The following KIAA1217 variants were observed in gnomAD, a reference collection of about 807,000 sequenced individuals.
KIAA1217 encodes sickle tail protein homolog.
Under a neutral mutation model 163.9 loss-of-function variants are expected in KIAA1217, and 88 were observed. The ratio of observed to expected loss-of-function variants is 0.54; its 90% confidence interval spans 0.45 to 0.64. The LOEUF is 0.64. Among genes scored for constraint, KIAA1217 ranks in the 30% least tolerant of loss-of-function variants. KIAA1217 has a pLI of 0.00. For missense variants in KIAA1217, 2,372 were observed against 2,475.0 expected, an observed-to-expected ratio of 0.96 and a Z score of 0.88; for synonymous variants, 903 against 923.1, an observed-to-expected ratio of 0.98 and a Z score of 0.39.
chr10:24,271,334 A>G (rs1335797826), intron 2 of KIAA1217, among the ~76,000 whole-genome samples: 1 of 152,164 alleles, frequency 6.6e-6, no homozygotes, highest in Admixed American at 6.5e-5. Flanking sequence ...TATATTGAAA[A>G]AACCTCACAA....
intron 2 of KIAA1217, among the ~76,000 whole-genome samples, chr10:24,319,375 CAAAAAAAA>C (rs34410717): frequency 8.7e-5 from 4 of 45,812 alleles, no homozygotes; most frequent in Non-Finnish European, 1.4e-4. Context: ...GACGTTGTCT[CAAAAAAAA>C]AAAAAAAAAA....
chr10:24,543,744 G>T lies in KIAA1217; in HGVS notation c.4474G>T (p.Val1492Leu). Reference sequence around the variant, plus strand: ...GGAAGAGGAGGAAAATGGGGATTCTGTAGTCCAGAATAATAACACTTCCCA... The same window carrying T: ...GGAAGAGGAGGAAAATGGGGATTCTTTAGTCCAGAATAATAACACTTCCCA... ...EEEEEENGDS[V>L]VQNNNTSQMS... The change falls in exon 19 of 21, where the codon GTA (valine) becomes TTA (leucine). Residue 1492 changes from valine (V) to leucine (L), a missense_variant. By Grantham distance (32) the Val-to-Leu change is conservative. This residue lies in a region of KIAA1217 where 690 missense variants were observed against 677.5 expected (regional missense o/e 1.02). Transcript: ENST00000376454. 1 of 1,613,632 alleles carries T rather than the reference G, an allele frequency of 6.2e-7. No individual in the cohort carries two copies. Among genetic ancestry groups the T allele is most frequent in the Non-Finnish European group, 8.5e-7 (1 of 1,179,758 alleles).
At chr10:24,525,025 A>C (rs1340020375) in intron 13 of KIAA1217, among the ~76,000 whole-genome samples, 1 of 150,640 alleles carries the variant, frequency 6.6e-6, no homozygotes, top group Non-Finnish European at 1.5e-5. Flanking sequence ...AAGGTGAGAC[A>C]GCAGTGTGCT....
chr10:24,457,388 G>A (rs1204609259), intron 5 of KIAA1217, among the ~76,000 whole-genome samples: 2 of 151,264 alleles, frequency 1.3e-5, no homozygotes, highest in African/African-American at 2.4e-5. Context: ...GGCGGGGTTT[G>A]GGGGGAACAG....
At chr10:24,476,721 G>A (rs1369782515) in intron 6 of KIAA1217, among the ~76,000 whole-genome samples, 2 of 152,058 alleles carry the variant, frequency 1.3e-5, no homozygotes, top group East Asian at 3.9e-4. Context: ...CTCCCCACCT[G>A]TAATCAGCTT....
At chr10:24,274,742 T>G (rs1251732781) in intron 2 of KIAA1217, among the ~76,000 whole-genome samples, 1 of 152,150 alleles carries the variant, frequency 6.6e-6, no homozygotes, top group Non-Finnish European at 1.5e-5. Flanking sequence ...TACCTGTGTT[T>G]TTGTTTGAAG....
At chr10:23,901,797 G>T (rs1203813793) in intron 1 of KIAA1217, among the ~76,000 whole-genome samples, 1 of 151,586 alleles carries the variant, frequency 6.6e-6, no homozygotes, top group Non-Finnish European at 1.5e-5. Context: ...TGTAGTCCCA[G>T]CTACTCAGGA....
intron 2 of KIAA1217, among the ~76,000 whole-genome samples, chr10:24,342,027 A>G (rs1212523396): frequency 1.3e-5 from 2 of 152,260 alleles, no homozygotes; most frequent in Non-Finnish European, 2.9e-5. Flanking sequence ...CCTTGCTAGC[A>G]TGAAATTATG....
intron 10 of KIAA1217, among the ~76,000 whole-genome samples, chr10:24,519,875 A>G (rs1467913043): frequency 2.0e-5 from 3 of 152,038 alleles, no homozygotes; most frequent in Admixed American, 1.3e-4. Flanking sequence ...GCCAGGCACA[A>G]TCGTCCCTTT....
chr10:23,771,829 C>T (rs7904727), intron 1 of KIAA1217, among the ~76,000 whole-genome samples: 7,949 of 152,228 alleles, frequency 0.052, 684 homozygotes, highest in African/African-American at 0.18. Flanking sequence ...AGTGGTGTGC[C>T]CAGGGGGACA....
intron 2 of KIAA1217, among the ~76,000 whole-genome samples, chr10:24,174,913 AG>A (rs955250607): frequency 2.0e-5 from 3 of 152,088 alleles, no homozygotes; most frequent in Admixed American, 6.5e-5. Context: ...GCTGGAGTGC[AG>A]TGGCATGAGC....
intron 2 of KIAA1217, among the ~76,000 whole-genome samples, chr10:24,198,951 G>C (rs2067119560): frequency 6.6e-6 from 1 of 152,200 alleles, no homozygotes; most frequent in African/African-American, 2.4e-5. Flanking sequence ...AGGTGTGGTG[G>C]CTCACGCCTG....
intron 2 of KIAA1217, among the ~76,000 whole-genome samples, chr10:24,308,297 C>T (rs1365172759): frequency 6.6e-6 from 1 of 152,192 alleles, no homozygotes; most frequent in East Asian, 1.9e-4. Context: ...TAAGGATATA[C>T]CGTTCCACAT....
At chr10:24,027,578 G>C (rs1848013988) in intron 2 of KIAA1217, among the ~76,000 whole-genome samples, 1 of 151,812 alleles carries the variant, frequency 6.6e-6, no homozygotes, top group Admixed American at 6.6e-5. Context: ...ATTTAACAAA[G>C]GATATACAAT....
chr10:23,896,427 A>G (rs971495411), intron 1 of KIAA1217, among the ~76,000 whole-genome samples: 18 of 151,970 alleles, frequency 1.2e-4, no homozygotes, highest in Non-Finnish European at 1.5e-5. Context: ...GTTCACCCCT[A>G]TGAAGTCATC....
At chr10:23,960,520 G>T (rs1172536054) in intron 1 of KIAA1217, among the ~76,000 whole-genome samples, 1 of 151,964 alleles carries the variant, frequency 6.6e-6, no homozygotes, top group African/African-American at 2.4e-5. Flanking sequence ...GCCTCCCAAA[G>T]TGCTGGGATT....
intron 2 of KIAA1217, among the ~76,000 whole-genome samples, chr10:24,071,059 A>T (rs12242901): frequency 0.026 from 3,973 of 152,290 alleles, 186 homozygotes; most frequent in African/African-American, 0.089. Context: ...ACCTAATGAG[A>T]CCAATTGAAG....
chr10:23,788,838 TC>T lies in KIAA1217; in HGVS notation c.-321+93605del, dbSNP rs377027342. Among the ~76,000 whole-genome samples, 84 of 152,318 alleles carry T rather than the reference TC, an allele frequency of 5.5e-4. 1 individual carries two copies. The South Asian group carries it at 0.017, about 30-fold the overall frequency. ...GTTATACTCTTTCAAACTGAAACGC[TC>T]AATGGCACATTTTAGATGAAGCCAA... On this transcript the variant is annotated intron_variant, in intron 1 of 18. Transcript: ENST00000376462.
chr10:24,009,465 G>C (rs1335519156), intron 2 of KIAA1217, among the ~76,000 whole-genome samples: 1 of 152,048 alleles, frequency 6.6e-6, no homozygotes, highest in Non-Finnish European at 1.5e-5. Context: ...GAATAAATGT[G>C]TTTCAAATTA....
Sources: allele counts gnomAD v4.1 joint callset (sites outside exome capture counted in the v4.1 genomes callset), GRCh38; gene constraint gnomAD v4.1.1; regional missense constraint gnomAD v4.1.1; transcripts MANE v1.5; gene names NCBI Gene and HGNC (gene_info 2026-07-23, HGNC 2026-07-21).